TSGA10: variants seen among roughly 807,000 people sequenced by gnomAD.
TSGA10 encodes testis-specific gene 10 protein.
TSGA10 carries 43 observed loss-of-function variants against 96.6 expected under a neutral mutation model. That is an observed-to-expected ratio of 0.44 (90% CI 0.35 to 0.57). The LOEUF is 0.57. Among genes scored for constraint, TSGA10 ranks in the 20% least tolerant of loss-of-function variants. The pLI is 0.01. For synonymous variants in TSGA10, 229 were observed against 269.9 expected (o/e 0.85, Z 1.48); for missense variants, 703 against 834.4 (o/e 0.84, Z 1.94).
intron 1 of TSGA10, among the ~76,000 whole-genome samples, chr2:99,139,366 C>T (rs531299263): frequency 3.9e-5 from 6 of 152,200 alleles, no homozygotes; most frequent in African/African-American, 7.2e-5. Flanking sequence ...AAAGTATCAT[C>T]GGTGTTGAGC....
chr2:99,100,678 G>C (rs914966659), intron 10 of TSGA10, among the ~76,000 whole-genome samples: 17 of 151,950 alleles, frequency 1.1e-4, no homozygotes, highest in Middle Eastern at 6.8e-3. Context: ...AAATTAGCCA[G>C]GCGCGGTGGC....
intron 1 of TSGA10, among the ~76,000 whole-genome samples, chr2:99,149,586 G>A (rs1377970593): frequency 6.6e-6 from 1 of 150,994 alleles, no homozygotes; most frequent in Non-Finnish European, 1.5e-5. Context: ...GGGACTACAG[G>A]TGCCCGCCAC....
chr2:98,998,413 T>G (rs966210809), intron 20 of TSGA10, among the ~76,000 whole-genome samples, 192 bp from the exon 21 acceptor site: 3 of 152,232 alleles, frequency 2.0e-5, no homozygotes, highest in African/African-American at 7.2e-5. Flanking sequence ...CATGGAATAC[T>G]ATTCAACAAT....
At chr2:99,144,649 CAAA>C (rs70940140) in intron 1 of TSGA10, among the ~76,000 whole-genome samples, 17 of 52,264 alleles carry the variant, frequency 3.3e-4, no homozygotes, top group Middle Eastern at 0.037. Flanking sequence ...AACTCTGTCT[CAAA>C]AAAAAAAAAA....
At chr2:99,042,322 AT>A (rs2082274099) in intron 16 of TSGA10, among the ~76,000 whole-genome samples, 1 of 152,084 alleles carries the variant, frequency 6.6e-6, no homozygotes, top group Non-Finnish European at 1.5e-5. Context: ...GACTGGGTGC[AT>A]TTTGTTGGCC....
chr2:99,002,615 G>T (rs1297351969), intron 20 of TSGA10, among the ~76,000 whole-genome samples: 1 of 152,130 alleles, frequency 6.6e-6, no homozygotes, highest in Non-Finnish European at 1.5e-5. Flanking sequence ...ATAATGACAG[G>T]ATCAAATTCA....
intron 20 of TSGA10, among the ~76,000 whole-genome samples, chr2:99,016,282 T>C (rs567472548): frequency 2.2e-4 from 33 of 152,268 alleles, no homozygotes; most frequent in African/African-American, 7.7e-4. Flanking sequence ...AGCATGGTAC[T>C]GATATAAAAA....
chr2:99,045,799 G>C (rs1251634348), intron 16 of TSGA10, among the ~76,000 whole-genome samples: 4 of 152,182 alleles, frequency 2.6e-5, no homozygotes, highest in Non-Finnish European at 1.5e-5. Context: ...AAATTTGATA[G>C]AGTCAAGACC....
At chr2:99,006,963 C>G (rs972830837) in intron 20 of TSGA10, among the ~76,000 whole-genome samples, 1 of 152,094 alleles carries the variant, frequency 6.6e-6, no homozygotes, top group Non-Finnish European at 1.5e-5. Flanking sequence ...TACTATGCAG[C>G]CATAAAAAAT....
chr2:99,147,241 TCTTTCCACCTTGGC>T, intron 1 of TSGA10: 1 of 469,688 alleles, frequency 2.1e-6, no homozygotes. Context: ...ACTCAAGAGA[TCTTTCCACCTTGGC>T]CTCCCAAAGT....
At chr2:99,144,394 T>C (rs1194459805) in intron 1 of TSGA10, among the ~76,000 whole-genome samples, 1 of 152,114 alleles carries the variant, frequency 6.6e-6, no homozygotes, top group Non-Finnish European at 1.5e-5. Context: ...TGTCCATTCA[T>C]AGGGCTCACT....
chr2:99,105,534 C>A lies in TSGA10; in HGVS notation c.374G>T (p.Arg125Met), dbSNP rs1311687268. The change falls in exon 8 of 21, where the codon AGG (arginine) becomes ATG (methionine). Residue 125 changes from arginine (R) to methionine (M), a missense_variant. Arg to Met is a moderately conservative substitution (Grantham distance 91). Coordinates refer to ENST00000393483, the MANE Select transcript of TSGA10 (RefSeq NM_025244.4). Reference protein sequence around the residue: ...MTTERDSLRERLKIAQETAFN... With the variant: ...MTTERDSLREMLKIAQETAFN... ...AATAAAATCCTTTCCAACCTTTAGC[C>A]TCTCCCTTAGACTATCTCGTTCTGT... The A allele has an allele frequency of 6.2e-7, 1 of 1,613,432 alleles. No homozygotes were observed. The highest frequency in any genetic ancestry group is 1.3e-5 in the African/African-American group (1 of 74,886).
chr2:99,109,229 A>G (rs2091612980), intron 6 of TSGA10, among the ~76,000 whole-genome samples, 160 bp downstream of exon 6: 1 of 152,230 alleles, frequency 6.6e-6, no homozygotes, highest in South Asian at 2.1e-4. Flanking sequence ...CAATATCAGT[A>G]GTCTACTGTG....
intron 10 of TSGA10, chr2:99,102,549 G>T: frequency 6.2e-7 from 1 of 1,614,146 alleles, no homozygotes; most frequent in Admixed American, 1.7e-5. Flanking sequence ...GGCTCTGGAT[G>T]CTCAGCACAG....
Position 99,108,973 on chromosome 2 carries a change from C to G in TSGA10, c.70G>C (p.Glu24Gln). ...PTARGANCDVELLKTTTRDRE... is the reference protein window; with the variant it reads ...PTARGANCDVQLLKTTTRDRE... Reference sequence around the variant, plus strand: ...TCTCTTGTTGTTGTCTTCAAAAGTTCTACATCACAGTTTGCACCCTATAAT... The same window carrying G: ...TCTCTTGTTGTTGTCTTCAAAAGTTGTACATCACAGTTTGCACCCTATAAT... Residue 24 changes from glutamate (E) to glutamine (Q), a missense_variant, in exon 7 of 21, where the codon GAA (glutamate) becomes CAA (glutamine). This residue lies in a region of TSGA10 where 585 missense variants were observed against 656.8 expected (regional missense o/e 0.89). Transcript: ENST00000393483. 2 of 1,589,404 alleles carry G rather than the reference C, an allele frequency of 1.3e-6. No homozygotes were observed. Among genetic ancestry groups the G allele is most frequent in the Non-Finnish European group, 1.7e-6 (2 of 1,172,628 alleles).
At chr2:99,150,016 A>G (rs533731077) in intron 1 of TSGA10, among the ~76,000 whole-genome samples, 2 of 151,038 alleles carry the variant, frequency 1.3e-5, no homozygotes, top group Non-Finnish European at 3.0e-5. Flanking sequence ...TGGTCTCTCA[A>G]TCCTAACCTT....
In TSGA10 at chr2:99,104,628, C is replaced by A. The variant is rs189874619; in HGVS notation, c.460-510G>T. ...TAGCTGGGACTACAGGCGCATGCCA[C>A]CACACCTGGCAAATTTTCATATTTT... On this transcript the variant is annotated intron_variant, in intron 9 of 20. Transcript: ENST00000393483. Among the ~76,000 whole-genome samples the A allele has an allele frequency of 9.9e-5, 15 of 152,202 alleles. No homozygotes were observed. In the East Asian group the frequency reaches 2.7e-3, roughly 28 times the overall value.
intron 1 of TSGA10, among the ~76,000 whole-genome samples, chr2:99,129,076 A>G (rs760580287): frequency 2.0e-5 from 3 of 152,210 alleles, no homozygotes; most frequent in Non-Finnish European, 4.4e-5. Context: ...AAAGTATTTT[A>G]TCATCTGTTC....
intron 1 of TSGA10, chr2:99,150,849 ATT>A (rs2093686979): frequency 3.2e-6 from 5 of 1,540,214 alleles, no homozygotes; most frequent in Non-Finnish European, 4.4e-6. Context: ...ATTTGTACGT[ATT>A]ACCAAAGAAA....
Sources: allele counts gnomAD v4.1 joint callset (sites outside exome capture counted in the v4.1 genomes callset), GRCh38; gene constraint gnomAD v4.1.1; regional missense constraint gnomAD v4.1.1; transcripts MANE v1.5; gene names NCBI Gene and HGNC (gene_info 2026-07-23, HGNC 2026-07-21).